Variants in YWHAE observed in about 807,000 individuals in gnomAD.
YWHAE encodes the protein tyrosine 3-monooxygenase/tryptophan 5-monooxygenase activation protein epsilon, also known as 14-3-3 protein epsilon.
YWHAE carries 4 observed loss-of-function variants against 30.1 expected under a neutral mutation model. The observed-to-expected ratio is 0.13, with a 90% CI of 0.07 to 0.30. The LOEUF (loss-of-function observed/expected upper bound fraction) is 0.30. Ranked by LOEUF, YWHAE falls within the 10% of genes least tolerant of loss-of-function variation. The probability of loss-of-function intolerance (pLI) is 1.00; values close to 1 mark genes in which losing one functional copy is unlikely to be tolerated. For missense variants in YWHAE, 121 were observed against 315.9 expected, an observed-to-expected ratio of 0.38 and a Z score of 4.68; for synonymous variants, 118 against 111.8, an observed-to-expected ratio of 1.06 and a Z score of -0.35.
In YWHAE at chr17:1,381,632, A is replaced by G. The variant is rs1007096007; in HGVS notation, c.65-16574T>C. Among the ~76,000 whole-genome samples, 12 of 152,144 alleles carry G rather than the reference A, an allele frequency of 7.9e-5. No homozygotes were observed. The South Asian group carries it at 2.1e-3, about 26-fold the overall frequency. ...AAAACGTAACATAAATGCACTGAGG[A>G]AGGCCGAGCGCAAAGGCTCAGGCCT... On this transcript the variant is annotated intron_variant, in intron 1 of 5. Transcript: ENST00000264335.
At chr17:1,367,842 A>C (rs1185222673) in intron 1 of YWHAE, among the ~76,000 whole-genome samples, 1 of 152,216 alleles carries the variant, frequency 6.6e-6, no homozygotes, top group Admixed American at 6.5e-5. Flanking sequence ...CAAGGTACAG[A>C]GGTGAACTGA....
At chr17:1,352,127 AATT>A (rs1262888136) in intron 5 of YWHAE, 2 of 152,066 alleles carry the variant, frequency 1.3e-5, no homozygotes, top group Non-Finnish European at 2.9e-5. Flanking sequence ...ACAGTTGGTA[AATT>A]ATTTCTGAGT....
At chr17:1,374,984 T>C (rs1243147529) in intron 1 of YWHAE, among the ~76,000 whole-genome samples, 1 of 152,136 alleles carries the variant, frequency 6.6e-6, no homozygotes, top group Non-Finnish European at 1.5e-5. Context: ...CACAGGCCCA[T>C]GATCACAGCG....
At position 1,354,199 on chromosome 17, in the gene YWHAE, G is replaced by T. The variant is rs200705834; in HGVS notation, c.715+12C>A. 4.3e-6 allele frequency: 7 copies of T among 1,611,136 alleles called. No individual in the cohort carries two copies. The East Asian group carries it at 1.6e-4, about 36-fold the overall frequency. ...CTGAAAGAGGTGCCTGTTTCACTCC[G>T]TGCTTGCTTACCGTCACCCTGCATG... On this transcript the variant is annotated intron_variant, in intron 5 of 5. Coordinates refer to ENST00000264335, the MANE Select transcript of YWHAE (RefSeq NM_006761.5).
intron 1 of YWHAE, among the ~76,000 whole-genome samples, chr17:1,390,794 T>C (rs1404121002): frequency 6.6e-6 from 1 of 152,126 alleles, no homozygotes; most frequent in Non-Finnish European, 1.5e-5. Flanking sequence ...TGATCACAAA[T>C]CAAGCCCACC....
At chr17:1,397,765 A>G (rs1338017999) in intron 1 of YWHAE, among the ~76,000 whole-genome samples, 2 of 152,118 alleles carry the variant, frequency 1.3e-5, no homozygotes, top group East Asian at 1.9e-4. Flanking sequence ...TAGAGGACAC[A>G]GGTAGAAATT....
At chr17:1,397,602 TACAAGTACCCA>T (rs1237879788) in intron 1 of YWHAE, among the ~76,000 whole-genome samples, 1 of 152,008 alleles carries the variant, frequency 6.6e-6, no homozygotes, top group Non-Finnish European at 1.5e-5. Flanking sequence ...AGCATTTGGG[TACAAGTACCCA>T]ACAAAGAAAT....
Position 1,393,050 on chromosome 17 carries a change from A to G in YWHAE, c.64+6997T>C, listed in dbSNP as rs989675779. Among the ~76,000 whole-genome samples the G allele has an allele frequency of 6.6e-5, 10 of 151,892 alleles. No individual in the cohort carries two copies. The East Asian group carries it at 9.6e-4, about 15-fold the overall frequency. On this transcript the variant is annotated intron_variant, in intron 1 of 5. Coordinates refer to ENST00000264335, the MANE Select transcript of YWHAE (RefSeq NM_006761.5). The stretch of plus-strand genomic sequence containing the variant: ...GAAACCCCATCTCTACTAAAACACA[A>G]AAGAAATTAGCTGGGAGTGGTGGAT...
At position 1,400,028 on chromosome 17, in the gene YWHAE, C is replaced by CCGG; in HGVS notation, c.64+18_64+19insCCG. ...AGAGGGTCCGAGAATTCCAGCCCCC[C>CCGG]GTTGCCCCCCCAACTCACCGTCGTA... On this transcript the variant is annotated intron_variant, in intron 1 of 5. Coordinates refer to ENST00000264335, the MANE Select transcript of YWHAE (RefSeq NM_006761.5). The CCGG allele has an allele frequency of 1.9e-6, 3 of 1,608,130 alleles. No individual in the cohort carries two copies. Among genetic ancestry groups the CCGG allele is most frequent in the Non-Finnish European group, 2.6e-6 (3 of 1,174,560 alleles).
chr17:1,359,917 G>GGGAGGGGGAGGGGGGGA (rs1256844097), intron 4 of YWHAE, among the ~76,000 whole-genome samples: 2 of 79,346 alleles, frequency 2.5e-5, no homozygotes, highest in East Asian at 3.2e-4. Context: ...GAGGGAGACG[G>GGGAGGGGGAGGGGGGGA]GGAGGGGGAG....
intron 1 of YWHAE, among the ~76,000 whole-genome samples, chr17:1,383,971 C>T (rs1019363305): frequency 4.0e-5 from 6 of 151,690 alleles, no homozygotes; most frequent in Non-Finnish European, 8.8e-5. Flanking sequence ...TTTGGGAGGC[C>T]GAGGCACGTG....
intron 1 of YWHAE, among the ~76,000 whole-genome samples, chr17:1,392,361 G>C (rs759233582): frequency 6.6e-6 from 1 of 152,118 alleles, no homozygotes; most frequent in Non-Finnish European, 1.5e-5. Flanking sequence ...GGCCAACAAA[G>C]CAAGACCTTG....
At chr17:1,349,549 T>G (rs9896486) in intron 5 of YWHAE, among the ~76,000 whole-genome samples, 100,550 of 151,872 alleles carry the variant, frequency 0.66, 34,118 homozygotes, top group African/African-American at 0.8. Flanking sequence ...AAATTACTCT[T>G]CTTAACCAAA....
chr17:1,380,218 T>C (rs1332826900), intron 1 of YWHAE, among the ~76,000 whole-genome samples: 2 of 147,752 alleles, frequency 1.4e-5, no homozygotes, highest in African/African-American at 5.0e-5. Context: ...GGTTCAAGAG[T>C]CTCCTGCCTC....
intron 1 of YWHAE, among the ~76,000 whole-genome samples, chr17:1,395,794 G>C (rs185198194): frequency 6.6e-6 from 1 of 152,282 alleles, no homozygotes; most frequent in Admixed American, 6.5e-5. Context: ...AGCAGAATAA[G>C]CTAGCTAGAG....
intron 5 of YWHAE, among the ~76,000 whole-genome samples, chr17:1,352,594 C>A (rs1044588707): frequency 3.3e-5 from 5 of 151,592 alleles, no homozygotes; most frequent in Non-Finnish European, 7.4e-5. Context: ...GCGTATCTCT[C>A]AGCTCACTGC....
In YWHAE at chr17:1,344,872, G is replaced by A. The variant is rs766662689; in HGVS notation, c.*575C>T. The A allele has an allele frequency of 1.3e-5, 3 of 233,292 alleles. No individual in the cohort carries two copies. Among genetic ancestry groups the A allele is most frequent in the Non-Finnish European group, 2.5e-5 (3 of 117,874 alleles). The allele number at this position is 233,292 out of a possible 1,614,324, so 14.5% of individuals were successfully genotyped here. On this transcript the variant is annotated 3_prime_UTR_variant, in exon 6 of 6. Coordinates refer to ENST00000264335, the MANE Select transcript of YWHAE (RefSeq NM_006761.5). The stretch of plus-strand genomic sequence containing the variant: ...GCCACGGATTGTTGAACTGTTACCA[G>A]CACCATGCTTTTCAGCAACATTTCA...
intron 1 of YWHAE, among the ~76,000 whole-genome samples, chr17:1,384,798 C>A (rs901951530): frequency 2.6e-5 from 4 of 151,942 alleles, no homozygotes; most frequent in Non-Finnish European, 4.4e-5. Flanking sequence ...CTCCGCCTCC[C>A]GGGTTCAAGA....
chr17:1,390,381 T>A, intron 1 of YWHAE, among the ~76,000 whole-genome samples: 1 of 152,230 alleles, frequency 6.6e-6, no homozygotes, highest in Non-Finnish European at 1.5e-5. Flanking sequence ...ACATAAGGAC[T>A]AAGCCCAGAA....
Sources: allele counts gnomAD v4.1 joint callset (sites outside exome capture counted in the v4.1 genomes callset), GRCh38; gene constraint gnomAD v4.1.1; transcripts MANE v1.5; gene names NCBI Gene and HGNC (gene_info 2026-07-23, HGNC 2026-07-21).